The following UROC1 variants were observed in gnomAD, a reference collection of about 807,000 sequenced individuals.
UROC1 encodes the protein urocanate hydratase 1, also known as urocanate hydratase.
Under a neutral mutation model 89.5 loss-of-function variants are expected in UROC1, and 79 were observed. The ratio of observed to expected loss-of-function variants is 0.88; its 90% CI spans 0.74 to 1.06. UROC1 has a LOEUF of 1.06. Among genes scored for constraint, UROC1 ranks in the 50% least tolerant of loss-of-function variants. The pLI is 0.00. For missense variants in UROC1, 885 were observed against 907.8 expected (o/e 0.97, Z 0.32); for synonymous variants, 361 against 354.8 (o/e 1.02, Z -0.20).
intron 1 of UROC1, among the ~76,000 whole-genome samples, chr3:126,514,136 G>T (rs1936250796): frequency 6.6e-6 from 1 of 152,230 alleles, no homozygotes; most frequent in Non-Finnish European, 1.5e-5. Flanking sequence ...TGGGATGTTA[G>T]TTAGGGCTCC....
intron 9 of UROC1, 120 bp from the exon 10 acceptor site, chr3:126,501,400 C>T (rs1935920644): frequency 6.6e-6 from 8 of 1,215,520 alleles, no homozygotes; most frequent in Non-Finnish European, 9.6e-6. Flanking sequence ...GTGTTGTGTG[C>T]AAACGTGGGG....
intron 14 of UROC1, among the ~76,000 whole-genome samples, chr3:126,496,722 C>T (rs975002981): frequency 3.7e-4 from 56 of 152,188 alleles, no homozygotes; most frequent in Non-Finnish European, 2.5e-4. Context: ...TTGTGGGAGC[C>T]AGTGGTTAAC....
chr3:126,503,902 G>C, intron 9 of UROC1, 93 bp downstream of exon 9: 1 of 1,405,950 alleles, frequency 7.1e-7, no homozygotes, highest in Non-Finnish European at 1.0e-6. Flanking sequence ...CATTAAACAG[G>C]CCCACACCAA....
At chr3:126,496,421 C>T (rs1935779041) in intron 14 of UROC1, among the ~76,000 whole-genome samples, 4 of 152,180 alleles carry the variant, frequency 2.6e-5, no homozygotes, top group South Asian at 2.1e-4. Flanking sequence ...CGCTGTGGGC[C>T]GTGAGGAACA....
At chr3:126,482,760 C>T (rs921063505) in intron 19 of UROC1, among the ~76,000 whole-genome samples, 2 of 152,126 alleles carry the variant, frequency 1.3e-5, no homozygotes, top group Admixed American at 6.5e-5. Context: ...CACCTCCCTC[C>T]CTTCTAGAAT....
Position 126,489,308 on chromosome 3 carries a change from G to T in UROC1, c.1676C>A (p.Ser559Tyr), listed in dbSNP as rs1363966368. 6.2e-7 allele frequency: 1 copy of T among 1,613,852 alleles called. No homozygotes were observed. The highest frequency in any genetic ancestry group is 2.2e-5 in the East Asian group (1 of 44,880). The change falls in exon 17 of 20, where the codon TCC becomes TAC. Residue 559 changes from serine to tyrosine, a missense_variant. By Grantham distance (144) the Ser-to-Tyr change is moderately radical. Coordinates refer to ENST00000290868, the MANE Select transcript of UROC1 (RefSeq NM_144639.3). The stretch of plus-strand genomic sequence containing the variant: ...GAAGGCAGAGCCGTCGTAAATGTTG[G>T]AGGTCTCCCTAAAGGGGCTGTCGGT... ...SGTDSPFRET[S>Y]NIYDGSAFCA...
At chr3:126,501,136 C>T in intron 10 of UROC1, 82 bp downstream of exon 10, 1 of 1,439,260 alleles carries the variant, frequency 6.9e-7, no homozygotes, top group Admixed American at 1.7e-5. Context: ...GTCCTGGCAG[C>T]TCCTGGTCAG....
intron 6 of UROC1, 101 bp from the exon 7 acceptor site, chr3:126,506,112 C>T (rs969856728): frequency 8.0e-7 from 1 of 1,247,788 alleles, no homozygotes; most frequent in Non-Finnish European, 1.2e-6. Context: ...TATTTAACTA[C>T]CCAATAGGCA....
chr3:126,510,878 C>G, intron 1 of UROC1, 84 bp from the exon 2 acceptor site: 1 of 1,548,566 alleles, frequency 6.5e-7, no homozygotes. Context: ...ATCCTCCTCC[C>G]AAATGGATTT....
At chr3:126,496,323 G>A (rs547695407) in intron 14 of UROC1, among the ~76,000 whole-genome samples, 10 of 150,700 alleles carry the variant, frequency 6.6e-5, no homozygotes, top group African/African-American at 1.2e-4. Flanking sequence ...GCCGTGCAGC[G>A]CACTGCCTGA....
chr3:126,497,343 AAAC>A (rs1935800964), intron 14 of UROC1, among the ~76,000 whole-genome samples: 1 of 152,246 alleles, frequency 6.6e-6, no homozygotes, highest in African/African-American at 2.4e-5. Context: ...AATAACCATG[AAAC>A]AACAACGTCA....
At chr3:126,496,132 G>C in intron 14 of UROC1, 24 bp from the exon 15 acceptor site, 5 of 1,608,986 alleles carry the variant, frequency 3.1e-6, no homozygotes, top group Non-Finnish European at 4.2e-6. Flanking sequence ...GACAGCAGGC[G>C]TCAGAGACCC....
rs1386487302 is a variant in UROC1 at position 126,508,623 on chromosome 3, GCAAGAA to G, written c.352-154_352-149del. The G allele has an allele frequency of 7.5e-6, 5 of 662,502 alleles. No individual in the cohort carries two copies. The African/African-American group carries it at 9.1e-5, about 12-fold the overall frequency. The allele number at this position is 662,502 out of a possible 1,614,324, so 41.0% of individuals were successfully genotyped here. A position where few individuals can be genotyped will look rare whatever the true frequency, so the allele number is the denominator to read the frequency against. On this transcript the variant is annotated intron_variant, in intron 3 of 19. Coordinates refer to ENST00000290868, the MANE Select transcript of UROC1 (RefSeq NM_144639.3). ...GTGAGGCCCAGGGACGGACACATCT[GCAAGAA>G]CACCGGCCCCAGCTGCAACTGGAGC...
intron 1 of UROC1, among the ~76,000 whole-genome samples, chr3:126,511,534 A>T (rs750608310): frequency 5.9e-5 from 9 of 152,262 alleles, no homozygotes; most frequent in Non-Finnish European, 8.8e-5. Context: ...CACGTGCTAG[A>T]CAAGGAGGAC....
rs542162501 is a variant in UROC1, at chr3:126,502,363, C to T, written c.903-1083G>A. Among the ~76,000 whole-genome samples the T allele has an allele frequency of 2.0e-5, 3 of 149,580 alleles. No homozygotes were observed. The South Asian group carries it at 6.4e-4, about 32-fold the overall frequency. On this transcript the variant is annotated intron_variant, in intron 9 of 19. Transcript: ENST00000290868. Reference sequence around the variant, plus strand: ...TGCGTTTGTGTGTTTGTGTTACATGCATGTTTGTGTACATGTGTTTACATG... The same window carrying T: ...TGCGTTTGTGTGTTTGTGTTACATGTATGTTTGTGTACATGTGTTTACATG...
chr3:126,505,607 G>C lies in UROC1; in HGVS notation c.813+94C>G, dbSNP rs1053527031. The C allele has an allele frequency of 9.7e-6, 15 of 1,548,640 alleles. No individual in the cohort carries two copies. In the African/African-American group the frequency reaches 1.9e-4, roughly 20 times the overall value. ...CTGGGCAAGGAAGGATGAGAAGGGG[G>C]GTCTGTGGTGTAAGTGATCCGGGAG... On this transcript the variant is annotated intron_variant, in intron 8 of 19. Coordinates refer to ENST00000290868, the MANE Select transcript of UROC1 (RefSeq NM_144639.3).
At chr3:126,501,849 C>A (rs747162226) in intron 9 of UROC1, 12 of 1,599,360 alleles carry the variant, frequency 7.5e-6, no homozygotes, top group African/African-American at 1.3e-5. Flanking sequence ...TCCCCTCCCC[C>A]AGGGGTGCAA....
At chr3:126,509,238 TA>T (rs531755748) in intron 3 of UROC1, among the ~76,000 whole-genome samples, 2,244 of 122,488 alleles carry the variant, frequency 0.018, 16 homozygotes, top group African/African-American at 0.024. Flanking sequence ...CCTGTCTCTC[TA>T]AAAAAAAAAA....
Position 126,500,676 on chromosome 3 carries a change from C to T in UROC1, c.1145+19G>A, listed in dbSNP as rs748194185. On this transcript the variant is annotated intron_variant, in intron 11 of 19. Transcript: ENST00000290868. ...TGCCCAGGCCAAATGCTTCTGCCAC[C>T]CCCAACTCCAAGTAGCACCTTTCCT... 9.3e-6 allele frequency: 15 copies of T among 1,613,954 alleles called. No homozygotes were observed. Among genetic ancestry groups the T allele is most frequent in the African/African-American group, 1.3e-5 (1 of 74,920 alleles).
Sources: gnomAD v4.1 joint callset for allele counts (sites outside exome capture counted in the v4.1 genomes callset) on GRCh38, gnomAD v4.1.1 for gene constraint, MANE v1.5 for transcripts, NCBI Gene and HGNC (gene_info 2026-07-23, HGNC 2026-07-21) for gene names.